WASF1: variants seen among roughly 807,000 people sequenced by gnomAD.
The protein encoded by WASF1 is actin-binding protein WASF1.
Under a neutral mutation model 50.5 loss-of-function variants are expected in WASF1, and 7 were observed. The observed-to-expected ratio is 0.14, with a 90% CI of 0.08 to 0.26. The LOEUF (loss-of-function observed/expected upper bound fraction) is 0.26, where lower values mean the gene tolerates loss of function less well. Ranked by LOEUF, WASF1 falls within the 10% of genes least tolerant of loss-of-function variation. The probability of loss-of-function intolerance (pLI) is 1.00; values close to 1 mark genes in which losing one functional copy is unlikely to be tolerated. For missense variants in WASF1, 470 were observed against 694.7 expected, an observed-to-expected ratio of 0.68 and a Z score of 3.64; for synonymous variants, 205 against 244.0, an observed-to-expected ratio of 0.84 and a Z score of 1.49.
Position 110,100,441 on chromosome 6 carries a change from G to T in WASF1, c.*81C>A. 7.4e-7 allele frequency: 1 copy of T among 1,357,004 alleles called. No homozygotes were observed. The highest frequency in any genetic ancestry group is 9.8e-7 in the Non-Finnish European group (1 of 1,020,014). The allele number at this position is 1,357,004 out of a possible 1,614,324, so 84.1% of individuals were successfully genotyped here. On this transcript the variant is annotated 3_prime_UTR_variant, in exon 11 of 11. Coordinates refer to ENST00000392589, the MANE Select transcript of WASF1 (RefSeq NM_003931.3). ...ATAAGGAAAAGAAAGCAAAACACTA[G>T]AATGACCAAACATTTTCAAGGAACA... is the stretch of plus-strand genomic sequence containing the variant.
At chr6:110,178,927 C>T (rs1777063391) in intron 1 of WASF1, among the ~76,000 whole-genome samples, 185 bp from the exon 2 acceptor site, 1 of 152,214 alleles carries the variant, frequency 6.6e-6, no homozygotes, top group Non-Finnish European at 1.5e-5. Context: ...GCCTCCCCTT[C>T]CAACGAAGAA....
chr6:110,101,583 A>C lies in WASF1; in HGVS notation c.1522+5T>G. The C allele has an allele frequency of 6.2e-7, 1 of 1,602,516 alleles. No homozygotes were observed. The highest frequency in any genetic ancestry group is 8.5e-7 in the Non-Finnish European group (1 of 1,172,590). ...CAATGCTTTTCATGGAGCTGAGAAA[A>C]TTACCTTTTCGTATTGCTTCCAGTA... On this transcript the variant is annotated splice_donor_5th_base_variant and intron_variant, in intron 10 of 10. Transcript: ENST00000392589.
chr6:110,153,918 T>A (rs1775937955), intron 3 of WASF1, among the ~76,000 whole-genome samples: 1 of 152,128 alleles, frequency 6.6e-6, no homozygotes, highest in Admixed American at 6.6e-5. Context: ...AAACATTTGA[T>A]AAGAGGGACT....
rs1259981740 is a variant in WASF1, at chr6:110,100,599, G to T, written c.1603C>A (p.Leu535Met). 6.2e-7 allele frequency: 1 copy of T among 1,613,624 alleles called. No homozygotes were observed. The highest frequency in any genetic ancestry group is 8.5e-7 in the Non-Finnish European group (1 of 1,179,890). Residue 535 changes from leucine (L) to methionine (M), a missense_variant, in exon 11 of 11, where the codon CTG becomes ATG. Physicochemically the swap from Leu to Met is conservative, Grantham distance 15. Around this residue, in one of 3 missense-constraint regions of WASF1, gnomAD observed 36 missense variants for 90.7 expected, o/e 0.40. Transcript: ENST00000392589. ...TATTCAACAGCAATACGGCGAGACAGGATGGTGGCAACATCGTTTTCAATG... is the reference window on the plus strand; with the variant it reads ...TATTCAACAGCAATACGGCGAGACATGATGGTGGCAACATCGTTTTCAATG... ...ERIENDVATI[L>M]SRRIAVEYSD...
At chr6:110,138,157 G>C (rs1775053962) in intron 3 of WASF1, among the ~76,000 whole-genome samples, 1 of 152,266 alleles carries the variant, frequency 6.6e-6, no homozygotes, top group South Asian at 2.1e-4. Context: ...GCTGCAGTGG[G>C]GCAGGGAGCT....
At chr6:110,127,264 G>A (rs959710375) in intron 4 of WASF1, among the ~76,000 whole-genome samples, 1 of 152,032 alleles carries the variant, frequency 6.6e-6, no homozygotes, top group Non-Finnish European at 1.5e-5. Flanking sequence ...GATTCTGTCC[G>A]TATTTTCCTT....
intron 2 of WASF1, among the ~76,000 whole-genome samples, chr6:110,171,607 G>A (rs1161837906): frequency 1.3e-5 from 2 of 152,062 alleles, no homozygotes; most frequent in Non-Finnish European, 2.9e-5. Flanking sequence ...ATACCATTCA[G>A]GACACGGGCA....
intron 5 of WASF1, among the ~76,000 whole-genome samples, chr6:110,109,447 C>A (rs1562163319): frequency 6.6e-6 from 1 of 152,146 alleles, no homozygotes; most frequent in East Asian, 1.9e-4. Context: ...ACACTGATAT[C>A]CCGATATTAA....
chr6:110,142,304 CA>C (rs1344727079), intron 3 of WASF1, among the ~76,000 whole-genome samples: 11 of 150,904 alleles, frequency 7.3e-5, no homozygotes, highest in Admixed American at 6.6e-4. Context: ...ATCCAAATCG[CA>C]AAAGAAAAAT....
intron 3 of WASF1, among the ~76,000 whole-genome samples, chr6:110,149,497 A>G (rs1775729349): frequency 6.6e-6 from 1 of 151,552 alleles, no homozygotes; most frequent in Non-Finnish European, 1.5e-5. Context: ...AAAAAAAAAA[A>G]AAAAAGGAAA....
intron 3 of WASF1, among the ~76,000 whole-genome samples, chr6:110,144,307 GTTGT>G (rs1402431182): frequency 1.3e-4 from 20 of 152,126 alleles, no homozygotes; most frequent in African/African-American, 1.9e-4. Context: ...TGGTGATGGG[GTTGT>G]TTGTTTTTTT....
At chr6:110,172,487 T>TA (rs890847085) in intron 2 of WASF1, among the ~76,000 whole-genome samples, 2 of 151,428 alleles carry the variant, frequency 1.3e-5, no homozygotes, top group African/African-American at 4.8e-5. Flanking sequence ...TATTTTGGTT[T>TA]AAAAAAAAAT....
intron 9 of WASF1, among the ~76,000 whole-genome samples, chr6:110,102,762 T>C (rs1440816371): frequency 6.6e-6 from 1 of 152,182 alleles, no homozygotes; most frequent in Non-Finnish European, 1.5e-5. Context: ...CTGAAAATTG[T>C]AAAGCTGATC....
chr6:110,144,525 T>C (rs1490276332), intron 3 of WASF1, among the ~76,000 whole-genome samples: 1 of 152,258 alleles, frequency 6.6e-6, no homozygotes, highest in Non-Finnish European at 1.5e-5. Flanking sequence ...GTTTTAGACA[T>C]GAAGTCCTTG....
At position 110,171,470 on chromosome 6, in the gene WASF1, C is replaced by G. The variant is rs573643519; in HGVS notation, c.-127+7128G>C. Among the ~76,000 whole-genome samples, 59 of 152,026 alleles carry G rather than the reference C, an allele frequency of 3.9e-4. 1 individual carries two copies. Among genetic ancestry groups the G allele is most frequent in the Non-Finnish European group, 7.9e-4 (54 of 68,004 alleles). ...TTATGGCACCAAGTATATATACAGA[C>G]GGTCCGCAGTTTATAACGGGGTTGT... On this transcript the variant is annotated intron_variant, in intron 2 of 10. Transcript: ENST00000392589.
intron 3 of WASF1, among the ~76,000 whole-genome samples, chr6:110,134,306 G>A (rs1334124354): frequency 6.6e-6 from 1 of 152,088 alleles, no homozygotes; most frequent in Non-Finnish European, 1.5e-5. Flanking sequence ...AATATTTGTT[G>A]AACAGAGTGT....
intron 6 of WASF1, 122 bp from the exon 7 acceptor site, chr6:110,107,316 C>A: frequency 1.7e-6 from 1 of 605,354 alleles, no homozygotes; most frequent in Non-Finnish European, 2.7e-6. Flanking sequence ...AAAATAGTGC[C>A]AAAATAAAAC....
At chr6:110,137,744 C>A (rs1484309654) in intron 3 of WASF1, among the ~76,000 whole-genome samples, 2 of 152,070 alleles carry the variant, frequency 1.3e-5, no homozygotes, top group African/African-American at 4.8e-5. Context: ...GAATGTTAAG[C>A]ATACTCTTTA....
At chr6:110,128,581 T>A (rs1774514631) in intron 3 of WASF1, among the ~76,000 whole-genome samples, 1 of 152,252 alleles carries the variant, frequency 6.6e-6, no homozygotes, top group Non-Finnish European at 1.5e-5. Flanking sequence ...ATGCTTCGCA[T>A]ATGCACAAAT....
Sources: gnomAD v4.1 joint callset for allele counts (sites outside exome capture counted in the v4.1 genomes callset) on GRCh38, gnomAD v4.1.1 for gene constraint, gnomAD v4.1.1 regional missense constraint, MANE v1.5 for transcripts, NCBI Gene and HGNC (gene_info 2026-07-23, HGNC 2026-07-21) for gene names.